Variants in PACRGL observed in about 807,000 individuals in gnomAD.
PACRGL encodes the protein PACRG-like protein.
A neutral mutation model predicts 34.5 loss-of-function variants in PACRGL; 38 were observed. That is an observed-to-expected ratio of 1.10 (90% CI 0.85 to 1.44). The LOEUF is 1.44. Ranked by LOEUF, PACRGL falls within the 40% of genes most tolerant of loss-of-function variation. PACRGL has a pLI of 0.00. For missense variants in PACRGL, 305 were observed against 281.4 expected, an observed-to-expected ratio of 1.08 and a Z score of -0.60; for synonymous variants, 128 against 100.1, an observed-to-expected ratio of 1.28 and a Z score of -1.66.
intron 7 of PACRGL, among the ~76,000 whole-genome samples, chr4:20,724,099 C>T (rs1397822895): frequency 6.6e-6 from 1 of 152,054 alleles, no homozygotes; most frequent in Non-Finnish European, 1.5e-5. Flanking sequence ...TCATTTTTTC[C>T]TCTATGCAAA....
rs1747244717 is a variant in PACRGL, at chr4:20,729,466, A to ATAAACTAATTTTT, written c.*2126_*2138dup. 2 of 132,454 alleles carry ATAAACTAATTTTT rather than the reference A, an allele frequency of 1.5e-5. No individual in the cohort carries two copies. The highest frequency in any genetic ancestry group is 1.5e-4 in the Admixed American group (2 of 13,506). The allele number at this position is 132,454 out of a possible 1,614,324, so 8.2% of individuals were successfully genotyped here. ...ATTAGGCATATGCTGATATCTGATA[A>ATAAACTAATTTTT]TAAACTAATTTTTAAATGTTTAATA... On this transcript the variant is annotated 3_prime_UTR_variant, in exon 9 of 9. Transcript: ENST00000503585.
chr4:20,707,689 C>G, intron 3 of PACRGL, 114 bp from the exon 4 acceptor site: 1 of 774,914 alleles, frequency 1.3e-6, no homozygotes, highest in Non-Finnish European at 2.3e-6. Context: ...AACTGTGTTG[C>G]TGAGTAGAAA....
chr4:20,701,086 G>A (rs1334730708), intron 1 of PACRGL, among the ~76,000 whole-genome samples: 1 of 152,164 alleles, frequency 6.6e-6, no homozygotes, highest in Non-Finnish European at 1.5e-5. Flanking sequence ...AATGGAACAT[G>A]GTTTCTTTAG....
downstream of PACRGL, among the ~76,000 whole-genome samples, chr4:20,753,176 T>C (rs368124737): frequency 6.6e-6 from 1 of 152,196 alleles, no homozygotes; most frequent in East Asian, 1.9e-4. Flanking sequence ...GTATTTACAT[T>C]GAACAAAGGT....
At chr4:20,765,464 G>A in the PACRGL span, among the ~76,000 whole-genome samples, 1 of 152,286 alleles carries the variant, frequency 6.6e-6, no homozygotes, top group East Asian at 1.9e-4. Context: ...GTGCATTGTA[G>A]CTTGAGAGAT....
At chr4:20,724,403 C>T (rs1336124512) in intron 7 of PACRGL, among the ~76,000 whole-genome samples, 2 of 152,168 alleles carry the variant, frequency 1.3e-5, no homozygotes, top group South Asian at 2.1e-4. Context: ...TGTCCATCCC[C>T]AGGGCATTCA....
chr4:20,706,010 G>C (rs1040691005), intron 3 of PACRGL, among the ~76,000 whole-genome samples: 1 of 150,812 alleles, frequency 6.6e-6, no homozygotes, highest in Non-Finnish European at 1.5e-5. Context: ...TTAAATATTT[G>C]AGTTAAAAAA....
rs996461303 is a variant in PACRGL at position 20,730,378 on chromosome 4, T to G, written c.*3037T>G. ...GCATTAAACCACTTTATTTAAATCT[T>G]TACTTGGTATTAATAGAGGATATTT... On this transcript the variant is annotated 3_prime_UTR_variant, in exon 9 of 9. Transcript: ENST00000503585. 2.6e-5 allele frequency among the ~76,000 whole-genome samples: 4 copies of G among 152,156 alleles called. No homozygotes were observed. Among genetic ancestry groups the G allele is most frequent in the Admixed American group, 6.5e-5 (1 of 15,268 alleles).
At chr4:20,712,694 T>G in intron 5 of PACRGL, 94 bp from the exon 6 acceptor site, 1 of 1,109,424 alleles carries the variant, frequency 9.0e-7, no homozygotes, top group Non-Finnish European at 1.2e-6. Flanking sequence ...TAATGAAATT[T>G]TTGATTTTTG....
chr4:20,712,101 C>G (rs192212624), intron 5 of PACRGL, among the ~76,000 whole-genome samples: 1 of 151,912 alleles, frequency 6.6e-6, no homozygotes, highest in East Asian at 1.9e-4. Flanking sequence ...ATTATCCTAG[C>G]GAGTTTCCCT....
intron 8 of PACRGL, among the ~76,000 whole-genome samples, chr4:20,741,895 C>T (rs1291791863): frequency 2.0e-5 from 3 of 152,166 alleles, no homozygotes; most frequent in African/African-American, 7.2e-5. Context: ...GATATCACCA[C>T]TGATCCCACA....
intron 1 of PACRGL, among the ~76,000 whole-genome samples, chr4:20,702,906 A>G (rs573912309): frequency 6.6e-6 from 1 of 152,318 alleles, no homozygotes; most frequent in Non-Finnish European, 1.5e-5. Context: ...GATAAATGAG[A>G]TCAATGTACT....
At chr4:20,756,190 T>C (rs1477335333), downstream of PACRGL, among the ~76,000 whole-genome samples, 3 of 150,334 alleles carry the variant, frequency 2.0e-5, no homozygotes. Context: ...AAAAAAGTGT[T>C]GGCAAGGTCA....
intron 7 of PACRGL, chr4:20,715,990 C>T: frequency 4.5e-6 from 4 of 883,036 alleles, no homozygotes; most frequent in Non-Finnish European, 6.7e-6. Context: ...TGTTACCAAA[C>T]ATGTTTAAGT....
chr4:20,737,821 G>T (rs1750010103), intron 8 of PACRGL, among the ~76,000 whole-genome samples: 1 of 152,296 alleles, frequency 6.6e-6, no homozygotes, highest in Non-Finnish European at 1.5e-5. Context: ...GCCCTTGGAG[G>T]TATGAGTGTA....
At chr4:20,748,560 TTATATATATATATATATATA>T (rs3075750) in intron 8 of PACRGL, among the ~76,000 whole-genome samples, 21 of 64,908 alleles carry the variant, frequency 3.2e-4, no homozygotes, top group South Asian at 5.6e-4. Context: ...CTTCCAAATT[TTATATATATATATATATATA>T]TATATATATA....
intron 8 of PACRGL, among the ~76,000 whole-genome samples, chr4:20,738,488 G>A (rs978395701): frequency 1.3e-4 from 20 of 152,164 alleles, no homozygotes; most frequent in Non-Finnish European, 2.4e-4. Context: ...ATTCCAAGGG[G>A]AAGCCTGTAC....
rs748240446 is a variant in PACRGL at position 20,749,764 on chromosome 4, C to T, written c.*57-2801C>T. On this transcript the variant is annotated intron_variant, in intron 8 of 8. Transcript: ENST00000507634. ...TGGTAAAAAGGGAGTATCATTAAGT[C>T]AGTGTTTCCATATCCTACATAAGAC... 2.1e-6 allele frequency: 3 copies of T among 1,453,904 alleles called. No individual in the cohort carries two copies. The East Asian group carries it at 6.9e-5, about 33-fold the overall frequency. 90.1% of individuals were successfully genotyped at this position (1,453,904 alleles called of 1,614,324 possible). A position where few individuals can be genotyped will look rare whatever the true frequency, so the allele number is the denominator to read the frequency against.
downstream of PACRGL, among the ~76,000 whole-genome samples, chr4:20,734,928 A>T (rs1749223895): frequency 6.6e-6 from 1 of 152,184 alleles, no homozygotes; most frequent in Non-Finnish European, 1.5e-5. Flanking sequence ...ACATTTTCAT[A>T]TTCTAATTGG....
Sources: gnomAD v4.1 joint callset for allele counts (sites outside exome capture counted in the v4.1 genomes callset) on GRCh38, gnomAD v4.1.1 for gene constraint, MANE v1.5 for transcripts, NCBI Gene and HGNC (gene_info 2026-07-23, HGNC 2026-07-21) for gene names.